Variants in SND1 observed in about 807,000 individuals in gnomAD.
SND1 encodes the protein staphylococcal nuclease and tudor domain containing 1.
In SND1, 38 loss-of-function variants were observed where a neutral mutation model predicts 121.7. That is an observed-to-expected ratio of 0.31 (90% CI 0.24 to 0.41). The LOEUF is 0.41. Ranked by LOEUF, SND1 falls within the 10% of genes least tolerant of loss-of-function variation. The pLI is 1.00. For synonymous variants in SND1, 401 were observed against 447.4 expected (o/e 0.90, Z 1.31); for missense variants, 868 against 1,184.6 (o/e 0.73, Z 3.92).
At chr7:128,082,775 C>G (rs1793627385) in intron 18 of SND1, among the ~76,000 whole-genome samples, 1 of 152,166 alleles carries the variant, frequency 6.6e-6, no homozygotes, top group Non-Finnish European at 1.5e-5. Flanking sequence ...CCCCAAAATC[C>G]CCGCCAGCCC....
At chr7:127,969,240 A>G (rs1413535658) in intron 15 of SND1, among the ~76,000 whole-genome samples, 1 of 152,056 alleles carries the variant, frequency 6.6e-6, no homozygotes, top group Non-Finnish European at 1.5e-5. Context: ...GAACCTGGGA[A>G]GGGAGGAAGG....
intron 9 of SND1, among the ~76,000 whole-genome samples, chr7:127,714,235 A>G (rs1272668041): frequency 1.3e-5 from 2 of 152,200 alleles, no homozygotes; most frequent in Admixed American, 6.5e-5. Flanking sequence ...TAAAATAACT[A>G]GAAGTGGTTC....
chr7:128,026,245 T>C (rs1274855091), intron 16 of SND1, among the ~76,000 whole-genome samples: 2 of 152,192 alleles, frequency 1.3e-5, no homozygotes, highest in African/African-American at 4.8e-5. Flanking sequence ...ATTGGGGGTA[T>C]GGTGATAAAG....
intron 13 of SND1, among the ~76,000 whole-genome samples, chr7:127,899,063 C>T (rs551642462): frequency 1.6e-4 from 24 of 152,250 alleles, no homozygotes; most frequent in South Asian, 6.2e-4. Flanking sequence ...TTCAGCTTTA[C>T]TTGGCACACT....
chr7:127,939,810 C>A (rs944055566), intron 15 of SND1, among the ~76,000 whole-genome samples: 2 of 152,098 alleles, frequency 1.3e-5, no homozygotes, highest in African/African-American at 2.4e-5. Flanking sequence ...AGATGATAGG[C>A]CTGTGGATTA....
intron 22 of SND1, chr7:128,089,942 AC>A (rs1227176865): frequency 2.3e-5 from 11 of 477,412 alleles, no homozygotes; most frequent in Non-Finnish European, 3.5e-5. Flanking sequence ...CTCCCCATGT[AC>A]CCCCAGGTGA....
chr7:128,013,904 G>A (rs1245761228), intron 16 of SND1, among the ~76,000 whole-genome samples: 1 of 152,214 alleles, frequency 6.6e-6, no homozygotes, highest in Non-Finnish European at 1.5e-5. Flanking sequence ...AATGGCTAGA[G>A]AGAAATAACC....
intron 2 of SND1, among the ~76,000 whole-genome samples, chr7:127,688,933 T>C (rs1795867665): frequency 6.6e-6 from 1 of 152,188 alleles, no homozygotes; most frequent in South Asian, 2.1e-4. Flanking sequence ...AAAGGACATT[T>C]TATTTTAATT....
intron 13 of SND1, among the ~76,000 whole-genome samples, chr7:127,899,575 A>G (rs1470092563): frequency 2.0e-5 from 3 of 152,172 alleles, no homozygotes; most frequent in Non-Finnish European, 4.4e-5. Flanking sequence ...CTGGGGCCAC[A>G]TGGTCGAGAC....
intron 10 of SND1, among the ~76,000 whole-genome samples, chr7:127,769,231 A>G (rs1338551835): frequency 6.6e-6 from 1 of 151,794 alleles, no homozygotes; most frequent in African/African-American, 2.4e-5. Context: ...TCGAAGCCCA[A>G]AAGTATTAGG....
Position 128,074,668 on chromosome 7 carries a change from C to T in SND1, c.1946C>T (p.Ala649Val). 1 of 1,612,728 alleles carries T rather than the reference C, an allele frequency of 6.2e-7. No homozygotes were observed. The highest frequency in any genetic ancestry group is 8.5e-7 in the Non-Finnish European group (1 of 1,179,418). ...AAGTCCCTGCTGTCTGCCGAGGAGG[C>T]CGCAAAGCAGAAGAAAGAGAAGGTA... Reference protein sequence around the residue: ...YYKSLLSAEEAAKQKKEKVWA... With the variant: ...YYKSLLSAEEVAKQKKEKVWA... The change falls in exon 17 of 24, where the codon GCC becomes GTC. Residue 649 changes from alanine to valine, a missense_variant. Ala to Val is a moderately conservative substitution (Grantham distance 64). Coordinates refer to ENST00000354725, the MANE Select transcript of SND1 (RefSeq NM_014390.4).
intron 16 of SND1, among the ~76,000 whole-genome samples, chr7:128,072,743 G>T (rs562746892): frequency 6.6e-6 from 1 of 152,006 alleles, no homozygotes; most frequent in Non-Finnish European, 1.5e-5. Context: ...TGGAGGAGGC[G>T]CTCAGTCTTC....
chr7:128,021,883 G>T (rs770926392), intron 16 of SND1, among the ~76,000 whole-genome samples: 2 of 151,972 alleles, frequency 1.3e-5, no homozygotes, highest in Non-Finnish European at 2.9e-5. Flanking sequence ...TAATTGAAGG[G>T]TATTTTTTTA....
chr7:127,998,334 A>G (rs1238875326), intron 16 of SND1: 7 of 210,086 alleles, frequency 3.3e-5, no homozygotes, highest in Non-Finnish European at 5.9e-5. Flanking sequence ...TGCACTTACT[A>G]TAGGACCCTG....
At chr7:127,871,252 CTAAAA>C in intron 12 of SND1, among the ~76,000 whole-genome samples, 1 of 152,124 alleles carries the variant, frequency 6.6e-6, no homozygotes. Flanking sequence ...GGCATGCACT[CTAAAA>C]TAACAATAAT....
rs1796165353 is a variant in SND1 at position 127,705,063 on chromosome 7, A to G, written c.947+118A>G. The stretch of plus-strand genomic sequence containing the variant: ...AGTGTTCATTTTACTTCAGTAAAGG[A>G]GTAGGGCAGTTCCTTATAGAGGAGT... On this transcript the variant is annotated intron_variant, in intron 8 of 23. Coordinates refer to ENST00000354725, the MANE Select transcript of SND1 (RefSeq NM_014390.4). 9 of 791,524 alleles carry G rather than the reference A, an allele frequency of 1.1e-5. No homozygotes were observed. In the Admixed American group the frequency reaches 1.2e-4, roughly 11 times the overall value. 49.0% of individuals were successfully genotyped at this position (791,524 alleles called of 1,614,324 possible).
At chr7:127,678,555 G>A (rs1348625794) in intron 1 of SND1, among the ~76,000 whole-genome samples, 1 of 131,934 alleles carries the variant, frequency 7.6e-6, no homozygotes, top group African/African-American at 2.6e-5. Context: ...GTTCTTGCCA[G>A]GAAAAAAACC....
intron 12 of SND1, among the ~76,000 whole-genome samples, chr7:127,878,774 T>C (rs79616801): frequency 0.026 from 3,983 of 152,062 alleles, 83 homozygotes; most frequent in Non-Finnish European, 0.041. Context: ...ACTACATAAG[T>C]TTAAGGGGGA....
At chr7:127,990,866 G>C (rs1279778468) in intron 15 of SND1, 81 bp from the exon 16 acceptor site, 1 of 850,870 alleles carries the variant, frequency 1.2e-6, no homozygotes, top group Non-Finnish European at 1.9e-6. Context: ...CTTCACTGGA[G>C]GTGTCAGGGG....
Sources: gnomAD v4.1 joint callset for allele counts (sites outside exome capture counted in the v4.1 genomes callset) on GRCh38, gnomAD v4.1.1 for gene constraint, MANE v1.5 for transcripts, NCBI Gene and HGNC (gene_info 2026-07-23, HGNC 2026-07-21) for gene names.